Variants in NF1 observed in about 807,000 individuals in gnomAD.
The protein encoded by NF1 is neurofibromin.
A neutral mutation model predicts 325.7 loss-of-function variants in NF1; 122 were observed. The ratio of observed to expected loss-of-function variants is 0.37; its 90% CI spans 0.32 to 0.44. The LOEUF (loss-of-function observed/expected upper bound fraction) is 0.44. Ranked by LOEUF, NF1 falls within the 20% of genes least tolerant of loss-of-function variation. NF1 has a pLI of 1.00. For synonymous variants in NF1, 1,091 were observed against 1,186.0 expected (o/e 0.92, Z 1.65); for missense variants, 2,140 against 3,415.4 (o/e 0.63, Z 9.31).
At chr17:31,354,015 T>C (rs557412217) in intron 51 of NF1, among the ~76,000 whole-genome samples, 1 of 152,344 alleles carries the variant, frequency 6.6e-6, no homozygotes, top group South Asian at 2.1e-4. Context: ...CTGGTTACTT[T>C]GTGTTTTGTA....
At chr17:31,328,912 C>T (rs1185891699) in intron 38 of NF1, among the ~76,000 whole-genome samples, 1 of 152,136 alleles carries the variant, frequency 6.6e-6, no homozygotes, top group Non-Finnish European at 1.5e-5. Flanking sequence ...TCTGTGACAC[C>T]TGTCCTGGGT....
At chr17:31,119,381 T>C (rs760590349) in intron 1 of NF1, among the ~76,000 whole-genome samples, 44 of 152,292 alleles carry the variant, frequency 2.9e-4, no homozygotes, top group Middle Eastern at 3.4e-3. Flanking sequence ...ATGATGAGCT[T>C]TTTTTCCTGT....
intron 3 of NF1, among the ~76,000 whole-genome samples, chr17:31,161,981 A>C (rs2065768526): frequency 7.2e-6 from 1 of 139,778 alleles, no homozygotes; most frequent in Non-Finnish European, 1.5e-5. Context: ...GGTTGGAGTG[A>C]GCCAAGATTG....
chr17:31,124,987 A>C (rs988617983), intron 1 of NF1, among the ~76,000 whole-genome samples: 10 of 152,004 alleles, frequency 6.6e-5, no homozygotes, highest in Admixed American at 2.0e-4. Context: ...AAAAAAAAAA[A>C]AACATGGTGA....
chr17:31,283,154 A>G (rs1019371305), intron 36 of NF1, among the ~76,000 whole-genome samples: 6 of 152,178 alleles, frequency 3.9e-5, no homozygotes, highest in Admixed American at 6.5e-5. Context: ...GCAGTGGATC[A>G]CGCCTGTAAT....
At chr17:31,182,486 A>G (rs2143784489) in intron 7 of NF1, 22 bp from the exon 8 acceptor site, 1 of 1,612,696 alleles carries the variant, frequency 6.2e-7, no homozygotes, top group Non-Finnish European at 8.5e-7. Flanking sequence ...TAATAATGTC[A>G]TTTAATATAT....
In NF1 at chr17:31,374,114, G is replaced by A. The variant is rs199878086; in HGVS notation, c.8479G>A (p.Ala2827Thr). Residue 2827 changes from alanine (A) to threonine (T), a missense_variant, in exon 58 of 58, where the codon GCT becomes ACT. By Grantham distance (58) the Ala-to-Thr change is moderately conservative (BLOSUM62 0). Transcript: ENST00000358273. ...AAGCCAAGTGCAGAAGCAAAGAAGC[G>A]CTGGCAGTTTCAAACGTAATAGCAT... ...SASQVQKQRS[A>T]GSFKRNSIKK... The A allele has an allele frequency of 1.8e-5, 29 of 1,613,954 alleles. No individual in the cohort carries two copies. Among genetic ancestry groups the A allele is most frequent in the Middle Eastern group, 1.6e-4 (1 of 6,080 alleles).
intron 36 of NF1, among the ~76,000 whole-genome samples, chr17:31,270,517 G>A (rs556731769): frequency 6.6e-6 from 1 of 152,232 alleles, no homozygotes; most frequent in African/African-American, 2.4e-5. Flanking sequence ...GGCTGAGGTG[G>A]GAGGATCACT....
intron 36 of NF1, among the ~76,000 whole-genome samples, chr17:31,324,145 G>A (rs971194077): frequency 2.0e-5 from 3 of 152,110 alleles, no homozygotes; most frequent in Non-Finnish European, 4.4e-5. Context: ...TCAGCTCACT[G>A]CAAACTCCCC....
chr17:31,210,066 C>T (rs879928809), intron 12 of NF1, among the ~76,000 whole-genome samples: 1 of 152,144 alleles, frequency 6.6e-6, no homozygotes, highest in East Asian at 1.9e-4. Context: ...AACAGTCAAC[C>T]AGAGTTAGTT....
intron 36 of NF1, among the ~76,000 whole-genome samples, chr17:31,308,979 A>G (rs532995392): frequency 1.3e-5 from 2 of 152,340 alleles, no homozygotes; most frequent in South Asian, 4.1e-4. Flanking sequence ...TATCTAGAGC[A>G]TATTATGTGT....
chr17:31,114,515 G>T (rs989328449), intron 1 of NF1, among the ~76,000 whole-genome samples: 1 of 151,240 alleles, frequency 6.6e-6, no homozygotes, highest in African/African-American at 2.4e-5. Flanking sequence ...TCCAGCCTGG[G>T]TGACAGAGTG....
intron 1 of NF1, among the ~76,000 whole-genome samples, chr17:31,153,188 A>G (rs1176256675): frequency 1.3e-5 from 2 of 152,190 alleles, no homozygotes; most frequent in Non-Finnish European, 2.9e-5. Flanking sequence ...GTCAGATCTA[A>G]TAATTACATG....
intron 8 of NF1, chr17:31,182,916 G>T: frequency 1.7e-6 from 1 of 600,654 alleles, no homozygotes; most frequent in South Asian, 2.1e-5. Flanking sequence ...TCTTTTGTCT[G>T]AGAAGACTAA....
intron 29 of NF1, among the ~76,000 whole-genome samples, chr17:31,236,328 G>A (rs2151439086): frequency 6.6e-6 from 1 of 152,204 alleles, no homozygotes; most frequent in African/African-American, 2.4e-5. Flanking sequence ...ATATTCATAT[G>A]CAGTCACTTG....
chr17:31,296,078 A>G, intron 36 of NF1: 2 of 1,613,818 alleles, frequency 1.2e-6, no homozygotes, highest in Non-Finnish European at 1.7e-6. Context: ...GTTGTTTGAA[A>G]TGTCCAGGGT....
intron 36 of NF1, chr17:31,318,311 T>C (rs751584664): frequency 6.2e-7 from 1 of 1,606,242 alleles, no homozygotes; most frequent in Non-Finnish European, 8.5e-7. Flanking sequence ...CACTAACCTA[T>C]CTGTTTGTTA....
At position 31,262,009 on chromosome 17, in the gene NF1, A is replaced by T. The variant is rs909530543; in HGVS notation, c.4724+152A>T. On this transcript the variant is annotated intron_variant, in intron 35 of 57. Coordinates refer to ENST00000358273, the MANE Select transcript of NF1 (RefSeq NM_001042492.3). ...TGTTTGGGGAATCCAACTATATATT[A>T]TTTATATATATAGGGTGTGTTTTAT... The T allele has an allele frequency of 4.5e-6, 3 of 664,376 alleles. No individual in the cohort carries two copies. The African/African-American group carries it at 5.5e-5, about 12-fold the overall frequency. 41.2% of individuals were successfully genotyped at this position (664,376 alleles called of 1,614,324 possible).
chr17:31,095,927 A>G (rs1471035420), intron 1 of NF1, among the ~76,000 whole-genome samples: 1 of 152,078 alleles, frequency 6.6e-6, no homozygotes, highest in African/African-American at 2.4e-5. Flanking sequence ...AAAGCAAGGA[A>G]GGCACAGGTT....
Sources: gnomAD v4.1 joint callset for allele counts (sites outside exome capture counted in the v4.1 genomes callset) on GRCh38, gnomAD v4.1.1 for gene constraint, MANE v1.5 for transcripts, NCBI Gene and HGNC (gene_info 2026-07-23, HGNC 2026-07-21) for gene names.